The following RCAN3 variants were observed in gnomAD, a reference collection of about 807,000 sequenced individuals.
RCAN3 encodes calcipressin-3.
Under a neutral mutation model 21.9 loss-of-function variants are expected in RCAN3, and 19 were observed. The observed-to-expected ratio is 0.87, with a 90% CI of 0.61 to 1.27. The LOEUF is 1.27. RCAN3 is among the 50% of genes most tolerant of loss of function. The probability of loss-of-function intolerance (pLI) is 0.00; values close to 1 mark genes in which losing one functional copy is unlikely to be tolerated. For missense variants in RCAN3, 240 were observed against 300.1 expected (o/e 0.80, Z 1.48); for synonymous variants, 114 against 112.3 (o/e 1.01, Z -0.09).
At chr1:24,504,963 A>G (rs1392418170) in intron 1 of RCAN3, among the ~76,000 whole-genome samples, 1 of 152,228 alleles carries the variant, frequency 6.6e-6, no homozygotes, top group African/African-American at 2.4e-5. Flanking sequence ...AACTTCAATT[A>G]TAACAGGACC....
chr1:24,514,826 G>A (rs547447493), intron 2 of RCAN3, among the ~76,000 whole-genome samples: 3 of 152,118 alleles, frequency 2.0e-5, no homozygotes, highest in East Asian at 3.9e-4. Flanking sequence ...AAAACTAGCC[G>A]GGTGTGGTGG....
intron 1 of RCAN3, among the ~76,000 whole-genome samples, chr1:24,503,538 T>C (rs954143011): frequency 1.3e-5 from 2 of 152,224 alleles, no homozygotes; most frequent in African/African-American, 4.8e-5. Flanking sequence ...CCTGTCTTTC[T>C]CCCTTGCCCC....
chr1:24,505,793 C>T (rs373041624), intron 1 of RCAN3, among the ~76,000 whole-genome samples: 23 of 152,188 alleles, frequency 1.5e-4, no homozygotes, highest in Middle Eastern at 3.4e-3. Flanking sequence ...GTACATCTAG[C>T]TAAGATACTG....
chr1:24,524,828 GTTTTTTT>G (rs5773091), intron 2 of RCAN3, among the ~76,000 whole-genome samples: 1 of 127,232 alleles, frequency 7.9e-6, no homozygotes, highest in Non-Finnish European at 1.6e-5. Flanking sequence ...GTTTTCTTTT[GTTTTTTT>G]TTTTTTTTTT....
At chr1:24,524,648 T>TGG (rs1242821208) in intron 2 of RCAN3, among the ~76,000 whole-genome samples, 1 of 152,150 alleles carries the variant, frequency 6.6e-6, no homozygotes, top group Non-Finnish European at 1.5e-5. Context: ...TTGATATTAG[T>TGG]GGACCTGCAG....
At chr1:24,515,588 C>T (rs915140474) in intron 2 of RCAN3, among the ~76,000 whole-genome samples, 3 of 152,122 alleles carry the variant, frequency 2.0e-5, no homozygotes, top group Admixed American at 6.6e-5. Flanking sequence ...AAAACCCTAT[C>T]ACTGGCCCTT....
Position 24,510,659 on chromosome 1 carries a change from A to G in RCAN3, c.-59-3655A>G, listed in dbSNP as rs567564220. Among the ~76,000 whole-genome samples the G allele has an allele frequency of 7.2e-5, 11 of 152,330 alleles. No homozygotes were observed. In the South Asian group the frequency reaches 2.3e-3, roughly 32 times the overall value. On this transcript the variant is annotated intron_variant, in intron 1 of 4. Transcript: ENST00000374395. The stretch of plus-strand genomic sequence containing the variant: ...TATCTAGACCAATCAGACTTTTCGT[A>G]TCAGCGATAAGTCTGTTTTTGCCTT...
intron 2 of RCAN3, 27 bp from the exon 3 acceptor site, chr1:24,531,191 C>A (rs780119806): frequency 7.0e-7 from 1 of 1,433,384 alleles, no homozygotes; most frequent in Non-Finnish European, 9.2e-7. Context: ...CTCCCCTTCC[C>A]TTTGCCTTGC....
At chr1:24,518,849 G>A (rs1400965210) in intron 2 of RCAN3, among the ~76,000 whole-genome samples, 1 of 151,730 alleles carries the variant, frequency 6.6e-6, no homozygotes, top group Non-Finnish European at 1.5e-5. Flanking sequence ...TCTCAGCTCA[G>A]TGCAACCTCT....
At chr1:24,521,221 T>C (rs1337614551) in intron 2 of RCAN3, among the ~76,000 whole-genome samples, 1 of 152,158 alleles carries the variant, frequency 6.6e-6, no homozygotes, top group Non-Finnish European at 1.5e-5. Flanking sequence ...GACAGTCTCT[T>C]TTCAACAAAA....
rs557226134 is a variant in RCAN3 at position 24,505,383 on chromosome 1, G to T, written c.-60+2233G>T. On this transcript the variant is annotated intron_variant, in intron 1 of 4. Coordinates refer to ENST00000374395, the MANE Select transcript of RCAN3 (RefSeq NM_013441.4). ...GCCTTCTGAGTAGCTGGGACTACAG[G>T]CGTGCACCATGTGTTTTTTTGTAGA... 1.2e-4 allele frequency among the ~76,000 whole-genome samples: 18 copies of T among 151,904 alleles called. No homozygotes were observed. In the East Asian group the frequency reaches 3.5e-3, roughly 29 times the overall value.
At chr1:24,531,180 C>A in intron 2 of RCAN3, 38 bp from the exon 3 acceptor site, 4 of 1,270,572 alleles carry the variant, frequency 3.1e-6, no homozygotes, top group Non-Finnish European at 4.2e-6. Flanking sequence ...TTTTTTTTTT[C>A]CTCCCCTTCC....
At chr1:24,528,589 GC>G (rs1649469039) in intron 2 of RCAN3, among the ~76,000 whole-genome samples, 1 of 152,134 alleles carries the variant, frequency 6.6e-6, no homozygotes. Context: ...AAGACAAAGG[GC>G]ATTCCTTTAT....
intron 4 of RCAN3, 83 bp from the exon 5 acceptor site, chr1:24,535,010 A>T: frequency 7.5e-7 from 1 of 1,327,768 alleles, no homozygotes; most frequent in Non-Finnish European, 1.0e-6. Flanking sequence ...AAATAGGAGT[A>T]GAACAAAAAG....
intron 1 of RCAN3, among the ~76,000 whole-genome samples, chr1:24,504,079 C>A (rs1049563126): frequency 2.6e-5 from 4 of 152,216 alleles, no homozygotes; most frequent in African/African-American, 9.6e-5. Context: ...AATGGGCTTT[C>A]CATCCAGGAA....
Position 24,531,431 on chromosome 1 carries a change from T to A in RCAN3, c.369+40T>A, listed in dbSNP as rs765566825. ...AGAGAACACTGTTCTCTAAACTTGT[T>A]TTTCTCCATCCAAAAATATTTTTAT... is the stretch of plus-strand genomic sequence containing the variant. On this transcript the variant is annotated intron_variant, in intron 3 of 4. Coordinates refer to ENST00000374395, the MANE Select transcript of RCAN3 (RefSeq NM_013441.4). The A allele has an allele frequency of 2.8e-6, 4 of 1,420,308 alleles. No homozygotes were observed. The South Asian group carries it at 6.5e-5, about 23-fold the overall frequency. The allele number at this position is 1,420,308 out of a possible 1,614,324, so 88.0% of individuals were successfully genotyped here.
chr1:24,533,324 G>GTGCA (rs1253934610), intron 4 of RCAN3, 70 bp downstream of exon 4: 25 of 1,251,186 alleles, frequency 2.0e-5, no homozygotes, highest in Non-Finnish European at 2.3e-5. Context: ...ATTCAGCAGT[G>GTGCA]TGCATTGTGG....
intron 1 of RCAN3, among the ~76,000 whole-genome samples, chr1:24,513,614 G>A (rs973954936): frequency 3.3e-5 from 5 of 152,084 alleles, no homozygotes; most frequent in East Asian, 1.9e-4. Flanking sequence ...CCGGGATCGC[G>A]CCACTGCACT....
chr1:24,525,100 C>G lies in RCAN3; in HGVS notation c.196-6118C>G, dbSNP rs932733515. Among the ~76,000 whole-genome samples, 2 of 152,046 alleles carry G rather than the reference C, an allele frequency of 1.3e-5. No individual in the cohort carries two copies. Among genetic ancestry groups the G allele is most frequent in the Non-Finnish European group, 2.9e-5 (2 of 68,016 alleles). ...TTGCCTTCTCCGAATTGGGATGGGG[C>G]AACAGAGTGGAGCCATGGTGGATCC... On this transcript the variant is annotated intron_variant, in intron 2 of 4. Coordinates refer to ENST00000374395, the MANE Select transcript of RCAN3 (RefSeq NM_013441.4). This position sits in a 1 kb window ranked among gnomAD's most constrained non-coding sequence, Gnocchi z 4.1.
Sources: allele counts gnomAD v4.1 joint callset (sites outside exome capture counted in the v4.1 genomes callset), GRCh38; gene constraint gnomAD v4.1.1; non-coding constraint Gnocchi (gnomAD v3.1); transcripts MANE v1.5; gene names NCBI Gene and HGNC (gene_info 2026-07-23, HGNC 2026-07-21).